VAC14: variants seen among roughly 807,000 people sequenced by gnomAD.
VAC14 encodes the protein VAC14 component of PIKFYVE complex.
In VAC14, 47 loss-of-function variants were observed where a neutral mutation model predicts 85.3. The ratio of observed to expected loss-of-function variants is 0.55; its 90% confidence interval spans 0.44 to 0.70. VAC14 has a LOEUF of 0.70. VAC14 is among the 30% of genes least tolerant of loss of function. The pLI, the probability that VAC14 is intolerant of heterozygous loss-of-function variation, is 0.00. For synonymous variants in VAC14, 447 were observed against 430.5 expected (o/e 1.04, Z -0.47); for missense variants, 861 against 1,004.3 (o/e 0.86, Z 1.93).
At chr16:70,700,711 G>A (rs904919747) in intron 14 of VAC14, among the ~76,000 whole-genome samples, 6 of 152,126 alleles carry the variant, frequency 3.9e-5, no homozygotes, top group African/African-American at 1.4e-4. Flanking sequence ...GGCCCCTCCC[G>A]GTCCCCCAAC....
At chr16:70,783,174 G>A in intron 6 of VAC14, 35 bp from the exon 7 acceptor site, 1 of 1,600,536 alleles carries the variant, frequency 6.2e-7, no homozygotes, top group East Asian at 2.2e-5. Flanking sequence ...AAACAGCGAG[G>A]GTCAGCCAGG....
chr16:70,800,867 G>T lies in VAC14; in HGVS notation c.34C>A (p.Pro12Thr). ...NPEKDFAPLTPNIVRALNDKL... is the reference protein window; with the variant it reads ...NPEKDFAPLTTNIVRALNDKL... ...TCATTGAGGGCGCGCACGATGTTAG[G>T]CGTGAGCGGCGCGAAATCCTTCTCG... Residue 12 changes from proline to threonine, a missense_variant, in exon 1 of 19, where the codon CCT becomes ACT. This residue lies in a region of VAC14 where 629 missense variants were observed against 703.1 expected (regional missense o/e 0.89). Transcript: ENST00000261776. The T allele has an allele frequency of 6.2e-7, 1 of 1,605,958 alleles. No individual in the cohort carries two copies.
At chr16:70,755,883 C>T in intron 12 of VAC14, 2 of 393,252 alleles carry the variant, frequency 5.1e-6, no homozygotes, top group South Asian at 3.7e-5. Context: ...GCAGCCCCAG[C>T]CACCTGGGAA....
At chr16:70,775,441 T>A (rs1276993192) in intron 9 of VAC14, among the ~76,000 whole-genome samples, 2 of 152,264 alleles carry the variant, frequency 1.3e-5, no homozygotes, top group Non-Finnish European at 2.9e-5. Flanking sequence ...TCTTTCACTC[T>A]GTCCTATGGC....
chr16:70,751,369 G>C (rs1254269983), intron 12 of VAC14, among the ~76,000 whole-genome samples: 1 of 152,244 alleles, frequency 6.6e-6, no homozygotes, highest in Non-Finnish European at 1.5e-5. Flanking sequence ...CTGAGGTCTG[G>C]CCAGTGCAGG....
At chr16:70,794,317 C>T (rs747325046) in intron 1 of VAC14, among the ~76,000 whole-genome samples, 3 of 152,154 alleles carry the variant, frequency 2.0e-5, no homozygotes, top group South Asian at 2.1e-4. Context: ...TAGGCAAGCC[C>T]GAGTCTACTT....
chr16:70,689,930 G>C (rs1044964273), intron 18 of VAC14: 1 of 985,506 alleles, frequency 1.0e-6, no homozygotes, highest in Non-Finnish European at 1.2e-6. Context: ...GTGGCCAGAC[G>C]CTCCTCTAAC....
At position 70,698,962 on chromosome 16, in the gene VAC14, T is replaced by C. The variant is rs182157660; in HGVS notation, c.1662-151A>G. On this transcript the variant is annotated intron_variant, in intron 14 of 18. Coordinates refer to ENST00000261776, the MANE Select transcript of VAC14 (RefSeq NM_018052.5). Reference sequence around the variant, plus strand: ...GAGCCATGACTCTGAGGCCTGTGGTTGTGGGAGGGCGGGGAAGGGTGGGGG... The same window carrying C: ...GAGCCATGACTCTGAGGCCTGTGGTCGTGGGAGGGCGGGGAAGGGTGGGGG... The C allele has an allele frequency of 6.0e-3, 2,042 of 342,102 alleles. 9 individuals carry two copies. The highest frequency in any genetic ancestry group is 8.9e-3 in the Non-Finnish European group (1,575 of 176,108). 21.2% of individuals were successfully genotyped at this position (342,102 alleles called of 1,614,324 possible). A position where few individuals can be genotyped will look rare whatever the true frequency, so the allele number is the denominator to read the frequency against.
At chr16:70,707,226 G>C (rs536924125) in intron 14 of VAC14, among the ~76,000 whole-genome samples, 2 of 152,336 alleles carry the variant, frequency 1.3e-5, no homozygotes, top group South Asian at 4.1e-4. Flanking sequence ...TCAATCCTCG[G>C]CAGTGTGCCC....
chr16:70,696,973 C>A, intron 16 of VAC14, 166 bp downstream of exon 16: 1 of 597,626 alleles, frequency 1.7e-6, no homozygotes, highest in East Asian at 3.0e-5. Context: ...ATACGTCCCT[C>A]CCCTCCCAGT....
intron 1 of VAC14, among the ~76,000 whole-genome samples, chr16:70,798,093 T>A (rs2034623449): frequency 6.6e-6 from 1 of 152,220 alleles, no homozygotes; most frequent in Non-Finnish European, 1.5e-5. Flanking sequence ...ATGCTCTTTT[T>A]ACAGATGAAG....
At chr16:70,766,017 C>T (rs934174764) in intron 10 of VAC14, among the ~76,000 whole-genome samples, 1 of 151,968 alleles carries the variant, frequency 6.6e-6, no homozygotes, top group Non-Finnish European at 1.5e-5. Context: ...CCTATGGTCC[C>T]AGCCACTCGG....
At chr16:70,694,102 TC>T (rs2053657466) in intron 17 of VAC14, among the ~76,000 whole-genome samples, 1 of 152,214 alleles carries the variant, frequency 6.6e-6, no homozygotes, top group Non-Finnish European at 1.5e-5. Flanking sequence ...TCCAGGCGAC[TC>T]AGGGCTGGGA....
chr16:70,731,246 G>C lies in VAC14; in HGVS notation c.1661+249C>G, dbSNP rs533585102. The C allele has an allele frequency of 3.2e-6, 4 of 1,239,020 alleles. No homozygotes were observed. In the East Asian group the frequency reaches 1.4e-4, roughly 42 times the overall value. The allele number at this position is 1,239,020 out of a possible 1,614,324, so 76.8% of individuals were successfully genotyped here. On this transcript the variant is annotated intron_variant, in intron 14 of 18. Coordinates refer to ENST00000261776, the MANE Select transcript of VAC14 (RefSeq NM_018052.5). ...GGCTGTTCCACCTCAGGGGAAGATA[G>C]TAACTCAGGAAGCAAAAAATGAATT... is the stretch of plus-strand genomic sequence containing the variant.
intron 14 of VAC14, chr16:70,699,926 T>A (rs1290595238): frequency 6.6e-6 from 1 of 152,212 alleles, no homozygotes; most frequent in African/African-American, 2.4e-5. Context: ...CTCCAGTGCC[T>A]GACGCCGCAT....
At chr16:70,771,017 G>C (rs2033180831) in intron 10 of VAC14, 1 of 152,122 alleles carries the variant, frequency 6.6e-6, no homozygotes, top group African/African-American at 2.4e-5. Flanking sequence ...TGAGTGATTG[G>C]CTCTCCCAGG....
chr16:70,693,553 C>T (rs2053642759), intron 17 of VAC14, among the ~76,000 whole-genome samples: 1 of 152,196 alleles, frequency 6.6e-6, no homozygotes, highest in African/African-American at 2.4e-5. Context: ...CTCCGGCTCA[C>T]ATGCCAGCCC....
At chr16:70,711,535 T>C (rs1372181716) in intron 14 of VAC14, among the ~76,000 whole-genome samples, 1 of 152,018 alleles carries the variant, frequency 6.6e-6, no homozygotes, top group African/African-American at 2.4e-5. Context: ...TGGCCTCCTC[T>C]GTTCAAACAG....
chr16:70,797,152 C>T (rs1333585530), intron 1 of VAC14, among the ~76,000 whole-genome samples: 1 of 152,164 alleles, frequency 6.6e-6, no homozygotes, highest in African/African-American at 2.4e-5. Context: ...TGTTGGCAGG[C>T]TATGTTATTT....
Sources: allele counts gnomAD v4.1 joint callset (sites outside exome capture counted in the v4.1 genomes callset), GRCh38; gene constraint gnomAD v4.1.1; regional missense constraint gnomAD v4.1.1; transcripts MANE v1.5; gene names NCBI Gene and HGNC (gene_info 2026-07-23, HGNC 2026-07-21).